B3GLCT: variants seen among roughly 807,000 people sequenced by gnomAD.
B3GLCT encodes beta-1,3-glucosyltransferase.
A neutral mutation model predicts 63.4 loss-of-function variants in B3GLCT; 65 were observed. The observed-to-expected ratio is 1.03, with a 90% CI of 0.84 to 1.26. The LOEUF is 1.26. B3GLCT is among the 50% of genes most tolerant of loss of function. B3GLCT has a pLI of 0.00. For synonymous variants in B3GLCT, 233 were observed against 219.2 expected (o/e 1.06, Z -0.55); for missense variants, 577 against 604.8 (o/e 0.95, Z 0.48).
chr13:31,225,466 A>G (rs1870048171), intron 3 of B3GLCT, among the ~76,000 whole-genome samples: 1 of 152,174 alleles, frequency 6.6e-6, no homozygotes, highest in South Asian at 2.1e-4. Flanking sequence ...GTACTGCTAT[A>G]AAGAACAGCA....
At chr13:31,310,937 A>G (rs528963588) in intron 12 of B3GLCT, among the ~76,000 whole-genome samples, 133 of 152,348 alleles carry the variant, frequency 8.7e-4, no homozygotes, top group African/African-American at 3.1e-3. Context: ...ACCTGGGCCA[A>G]TAACATGAGC....
chr13:31,225,797 C>T (rs993018669), intron 3 of B3GLCT, among the ~76,000 whole-genome samples: 4 of 152,174 alleles, frequency 2.6e-5, no homozygotes, highest in African/African-American at 9.7e-5. Flanking sequence ...TCCTTCCCTC[C>T]TTTGGGAAGT....
At chr13:31,266,206 G>A (rs1163782306) in intron 7 of B3GLCT, among the ~76,000 whole-genome samples, 2 of 151,958 alleles carry the variant, frequency 1.3e-5, no homozygotes, top group African/African-American at 2.4e-5. Context: ...CACCGTGTTA[G>A]CCAGGATGGC....
At chr13:31,306,505 C>G (rs1215259482) in intron 12 of B3GLCT, among the ~76,000 whole-genome samples, 2 of 108,366 alleles carry the variant, frequency 1.8e-5, no homozygotes, top group Non-Finnish European at 3.7e-5. Context: ...AATCAATGTA[C>G]AAAAATCACA....
chr13:31,309,222 C>G (rs2137919182), intron 12 of B3GLCT, among the ~76,000 whole-genome samples: 1 of 152,350 alleles, frequency 6.6e-6, no homozygotes, highest in Non-Finnish European at 1.5e-5. Flanking sequence ...GCTAATCCCA[C>G]TTCACTAACA....
chr13:31,272,062 C>G (rs761414648), intron 8 of B3GLCT, among the ~76,000 whole-genome samples: 3 of 152,002 alleles, frequency 2.0e-5, no homozygotes, highest in Non-Finnish European at 4.4e-5. Flanking sequence ...AGATGTGTCT[C>G]TTTTAAAGAG....
chr13:31,263,082 C>T (rs908139861), intron 7 of B3GLCT, among the ~76,000 whole-genome samples: 2 of 152,136 alleles, frequency 1.3e-5, no homozygotes, highest in Non-Finnish European at 1.5e-5. Context: ...CCAGGTAGAG[C>T]TATATGGCAA....
chr13:31,293,812 G>C (rs975814799), intron 12 of B3GLCT, among the ~76,000 whole-genome samples: 2 of 152,066 alleles, frequency 1.3e-5, no homozygotes, highest in African/African-American at 4.8e-5. Flanking sequence ...TTACATTTAA[G>C]GTTAATATTG....
In B3GLCT at chr13:31,260,973, G is replaced by A; in HGVS notation, c.487G>A (p.Asp163Asn). ...ATGGTTTTTGGGAAAAGCATTACAT[G>A]ATGAAGAAGCTACAATAATTCACCA... ...KEWFLGKALH[D>N]EEATIIHHYA... is the part of the protein sequence containing the mutation. The change falls in exon 7 of 15, where the codon GAT becomes AAT. Residue 163 changes from aspartate to asparagine, a missense_variant. Asp to Asn is a conservative substitution (Grantham distance 23). Coordinates refer to ENST00000343307, the MANE Select transcript of B3GLCT (RefSeq NM_194318.4). 6.2e-7 allele frequency: 1 copy of A among 1,613,958 alleles called. No individual in the cohort carries two copies. Among genetic ancestry groups the A allele is most frequent in the Non-Finnish European group, 8.5e-7 (1 of 1,179,876 alleles).
At chr13:31,250,756 C>A (rs985464058) in intron 6 of B3GLCT, among the ~76,000 whole-genome samples, 1 of 152,230 alleles carries the variant, frequency 6.6e-6, no homozygotes, top group Non-Finnish European at 1.5e-5. Context: ...GGACAGAGAA[C>A]CTGGGGGAAG....
intron 1 of B3GLCT, among the ~76,000 whole-genome samples, chr13:31,200,918 G>C (rs1457776055): frequency 6.6e-6 from 1 of 152,046 alleles, no homozygotes; most frequent in African/African-American, 2.4e-5. Context: ...TGCTTGCCCG[G>C]TCTCCTGCTG....
chr13:31,247,011 T>C lies in B3GLCT; in HGVS notation c.271-12T>C, dbSNP rs117111131. Reference sequence around the variant, plus strand: ...AATTCATACTTATCTTCTTTGATCATTGTTTTCTCAGGAGCTCCCCAGTGT... The same window carrying C: ...AATTCATACTTATCTTCTTTGATCACTGTTTTCTCAGGAGCTCCCCAGTGT... On this transcript the variant is annotated splice_polypyrimidine_tract_variant and intron_variant, in intron 4 of 14. Coordinates refer to ENST00000343307, the MANE Select transcript of B3GLCT (RefSeq NM_194318.4). 0.024 allele frequency: 38,216 copies of C among 1,597,596 alleles called. 579 individuals are homozygous for C. The highest frequency in any genetic ancestry group is 0.028 in the Middle Eastern group (171 of 6,040).
At chr13:31,250,711 G>A (rs117341707) in intron 6 of B3GLCT, among the ~76,000 whole-genome samples, 8,305 of 152,266 alleles carry the variant, frequency 0.055, 242 homozygotes, top group African/African-American at 0.071. Flanking sequence ...AGCAGCCCCA[G>A]TCAGAGACTT....
intron 10 of B3GLCT, 26 bp from the exon 11 acceptor site, chr13:31,284,622 G>C: frequency 3.1e-6 from 4 of 1,279,048 alleles, no homozygotes; most frequent in Non-Finnish European, 4.6e-6. Context: ...CTGTGCCAGT[G>C]ATTGTCACCT....
rs1008731741 is a variant in B3GLCT at position 31,274,543 on chromosome 13, C to G, written c.695C>G (p.Pro232Arg). ...ALYIWDKGGGPPLTPVPEFCT... is the reference protein window; with the variant it reads ...ALYIWDKGGGRPLTPVPEFCT... ...TACATCTGGGACAAAGGCGGAGGAC[C>G]TCCCCTGACCCCAGTGCCTGAGTTT... is the stretch of plus-strand genomic sequence containing the variant. The change falls in exon 9 of 15, where the codon CCT (proline) becomes CGT (arginine). Residue 232 changes from proline to arginine, a missense_variant. Physicochemically the swap from Pro to Arg is moderately radical, Grantham distance 103. Coordinates refer to ENST00000343307, the MANE Select transcript of B3GLCT (RefSeq NM_194318.4). 2 of 1,614,196 alleles carry G rather than the reference C, an allele frequency of 1.2e-6. No individual in the cohort carries two copies. Among genetic ancestry groups the G allele is most frequent in the Middle Eastern group, 1.6e-4 (1 of 6,062 alleles).
chr13:31,215,149 G>T, intron 2 of B3GLCT, 49 bp downstream of exon 2: 2 of 1,511,986 alleles, frequency 1.3e-6, no homozygotes, highest in Non-Finnish European at 1.8e-6. Flanking sequence ...AGATTCATTT[G>T]TATTTTCTCT....
intron 9 of B3GLCT, 91 bp from the exon 10 acceptor site, chr13:31,276,611 A>G (rs1326741036): frequency 2.8e-5 from 23 of 829,194 alleles, no homozygotes; most frequent in Non-Finnish European, 2.1e-6. Context: ...GACATTGGTT[A>G]ATTTGAACTC....
chr13:31,218,435 C>T (rs1455498072), intron 2 of B3GLCT, among the ~76,000 whole-genome samples: 4 of 152,132 alleles, frequency 2.6e-5, no homozygotes, highest in Non-Finnish European at 4.4e-5. Context: ...ATCCGCCTGC[C>T]TCAGCCTCCC....
At chr13:31,223,524 A>G (rs191436932) in intron 3 of B3GLCT, among the ~76,000 whole-genome samples, 3 of 152,294 alleles carry the variant, frequency 2.0e-5, no homozygotes, top group Non-Finnish European at 4.4e-5. Context: ...GTAAGGCATC[A>G]TACTTCTATC....
Sources: allele counts gnomAD v4.1 joint callset (sites outside exome capture counted in the v4.1 genomes callset), GRCh38; gene constraint gnomAD v4.1.1; transcripts MANE v1.5; gene names NCBI Gene and HGNC (gene_info 2026-07-23, HGNC 2026-07-21).